The following KMT2D variants were observed in gnomAD, a reference collection of about 807,000 sequenced individuals.
KMT2D encodes the protein histone-lysine N-methyltransferase 2D.
Under a neutral mutation model 512.7 loss-of-function variants are expected in KMT2D, and 55 were observed. The observed-to-expected ratio is 0.11, with a 90% CI of 0.09 to 0.13. KMT2D has a LOEUF of 0.13. Ranked by LOEUF, KMT2D falls within the 10% of genes least tolerant of loss-of-function variation. The probability of loss-of-function intolerance (pLI) is 1.00; values close to 1 mark genes in which losing one functional copy is unlikely to be tolerated. For synonymous variants in KMT2D, 2,995 were observed against 2,904.0 expected (o/e 1.03, Z -1.01); for missense variants, 6,061 against 7,127.9 (o/e 0.85, Z 5.39).
chr12:49,030,598 G>A lies in KMT2D; in HGVS notation c.13839+3C>T, dbSNP rs1218915669. The A allele has an allele frequency of 8.4e-6, 13 of 1,555,652 alleles. No homozygotes were observed. Among genetic ancestry groups the A allele is most frequent in the Admixed American group, 7.9e-5 (4 of 50,946 alleles). ...TCCCAAAAAATATTGCCATTTTTCT[G>A]ACCTTGGTAAGCAGCTGGGAATAGT... On this transcript the variant is annotated splice_donor_region_variant and intron_variant, in intron 42 of 54. Transcript: ENST00000301067.
Position 49,046,822 on chromosome 12 carries a change from T to G in KMT2D, c.4237-32A>C. The G allele has an allele frequency of 6.3e-7, 1 of 1,584,588 alleles. No homozygotes were observed. Among genetic ancestry groups the G allele is most frequent in the Non-Finnish European group, 8.6e-7 (1 of 1,162,086 alleles). On this transcript the variant is annotated intron_variant, in intron 15 of 54. Transcript: ENST00000301067. This position sits in a 1 kb window ranked among gnomAD's most constrained non-coding sequence, Gnocchi z 4.2. The stretch of plus-strand genomic sequence containing the variant: ...CAGAAGATGGGAACTTCTCAGGGTG[T>G]GAGGTGGAAAAGAGGTAGAACTTCT...
chr12:49,039,897 G>C lies in KMT2D; in HGVS notation c.7873C>G (p.Leu2625Val), dbSNP rs1592133979. 6.2e-7 allele frequency: 1 copy of C among 1,614,054 alleles called. No individual in the cohort carries two copies. The change falls in exon 32 of 55, where the codon CTC becomes GTC. Residue 2625 changes from leucine (L) to valine (V), a missense_variant. Leu to Val is a conservative substitution (Grantham distance 32, BLOSUM62 1). This residue lies in a region of KMT2D where 527 missense variants were observed against 578.9 expected (regional missense o/e 0.91). Coordinates refer to ENST00000301067, the MANE Select transcript of KMT2D (RefSeq NM_003482.4). The surrounding 1 kb of genome is among the most constrained non-coding windows in gnomAD (Gnocchi z 5.0). ...GAGGCTCCATGGGACAGGTAGGGGA[G>C]GGATCCGTCGGGTGCAGGTGGTGGC... ...VLPPPAPDGSLPYLSHGASQR... is the reference protein window; with the variant it reads ...VLPPPAPDGSVPYLSHGASQR...
Position 49,028,101 on chromosome 12 carries a change from C to T in KMT2D, c.14423G>A (p.Ser4808Asn). 1.9e-6 allele frequency: 3 copies of T among 1,613,930 alleles called. No homozygotes were observed. The highest frequency in any genetic ancestry group is 2.5e-6 in the Non-Finnish European group (3 of 1,179,862). ...GVMVAVAELL[S>N]MKIPNSYEVL... ...CTCATAGGAGTTGGGGATCTTCATG[C>T]TCAGCAGCTCCGCCACTGCCACCAT... Residue 4808 changes from serine (S) to asparagine (N), a missense_variant, in exon 47 of 55, where the codon AGC (serine) becomes AAC (asparagine). By Grantham distance (46) the Ser-to-Asn change is conservative. Transcript: ENST00000301067.
Position 49,042,205 on chromosome 12 carries a change from T to C in KMT2D, c.5993A>G (p.Tyr1998Cys), listed in dbSNP as rs1292951816. The change falls in exon 29 of 55, where the codon TAT (tyrosine) becomes TGT (cysteine). Residue 1998 changes from tyrosine (Y) to cysteine (C), a missense_variant. Around this residue, in one of 16 missense-constraint regions of KMT2D, gnomAD observed 640 missense variants for 814.3 expected, o/e 0.79. Coordinates refer to ENST00000301067, the MANE Select transcript of KMT2D (RefSeq NM_003482.4). The surrounding 1 kb of genome is among the most constrained non-coding windows in gnomAD (Gnocchi z 4.4). ...TTEGEGDGLSYNQRSLQRWEK... is the reference protein window; with the variant it reads ...TTEGEGDGLSCNQRSLQRWEK... Reference sequence around the variant, plus strand: ...CCAGCGCTGAAGACTCCGCTGGTTATAGGAGAGTCCGTCGCCCTCACCCTC... The same window carrying C: ...CCAGCGCTGAAGACTCCGCTGGTTACAGGAGAGTCCGTCGCCCTCACCCTC... 4 of 1,607,688 alleles carry C rather than the reference T, an allele frequency of 2.5e-6. No homozygotes were observed. The East Asian group carries it at 6.7e-5, about 27-fold the overall frequency.
In KMT2D at chr12:49,029,227, A is replaced by C. The variant is rs1285999889; in HGVS notation, c.14085T>G (p.Ser4695Arg). Residue 4695 changes from serine to arginine, a missense_variant, in exon 45 of 55, where the codon AGT becomes AGG. This residue lies in a region of KMT2D where 1,600 missense variants were observed against 1,754.9 expected (regional missense o/e 0.91). Transcript: ENST00000301067. ...HNQTEDVRME[S>R]DEDSDSPDSI... ...TGTCAGGAGAATCGCTATCCTCATC[A>C]CTCTCCATCCTGGGGACCAAAAGTA... 1 of 1,611,520 alleles carries C rather than the reference A, an allele frequency of 6.2e-7. No homozygotes were observed. Among genetic ancestry groups the C allele is most frequent in the African/African-American group, 1.3e-5 (1 of 74,796 alleles).
intron 49 of KMT2D, among the ~76,000 whole-genome samples, chr12:49,025,815 C>T (rs1251367137): frequency 6.6e-6 from 1 of 152,164 alleles, no homozygotes; most frequent in Non-Finnish European, 1.5e-5. Context: ...AACACTAAAA[C>T]TAAAATCAAA....
rs2120549493 is a variant in KMT2D, at chr12:49,041,611, C to T, written c.6234+44G>A. ...CATGGCCCTCCACCCTCAAGAGAGG[C>T]CACCCACTAGAGGACTGCTACACCC... On this transcript the variant is annotated intron_variant, in intron 31 of 54. Coordinates refer to ENST00000301067, the MANE Select transcript of KMT2D (RefSeq NM_003482.4). This position sits in a 1 kb window ranked among gnomAD's most constrained non-coding sequence, Gnocchi z 5.4. 2.5e-6 allele frequency: 4 copies of T among 1,612,770 alleles called. No homozygotes were observed. The highest frequency in any genetic ancestry group is 3.4e-6 in the Non-Finnish European group (4 of 1,179,170).
chr12:49,052,776 G>C (rs1281257063), intron 9 of KMT2D, 67 bp from the exon 10 acceptor site: 2 of 1,588,256 alleles, frequency 1.3e-6, no homozygotes, highest in Non-Finnish European at 1.7e-6. Context: ...AGAGCACACT[G>C]GGGGGAGGCA....
At position 49,024,547 on chromosome 12, in the gene KMT2D, A is replaced by G; in HGVS notation, c.16052+31T>C. On this transcript the variant is annotated intron_variant, in intron 51 of 54. Transcript: ENST00000301067. The surrounding 1 kb of genome is among the most constrained non-coding windows in gnomAD (Gnocchi z 4.5). ...AGGATCCCTGTCAACACCCACACCCACATCCCTTGGCTCCAGCATCACAAG... is the reference window on the plus strand; with the variant it reads ...AGGATCCCTGTCAACACCCACACCCGCATCCCTTGGCTCCAGCATCACAAG... 1 of 1,585,740 alleles carries G rather than the reference A, an allele frequency of 6.3e-7. No individual in the cohort carries two copies. The highest frequency in any genetic ancestry group is 1.1e-5 in the South Asian group (1 of 87,098).
In KMT2D at chr12:49,050,226, T is replaced by C. The variant is rs766712009; in HGVS notation, c.3362A>G (p.Asp1121Gly). Residue 1121 changes from aspartate (D) to glycine (G), a missense_variant, in exon 12 of 55, where the codon GAC (aspartate) becomes GGC (glycine). Asp to Gly is a moderately conservative substitution (Grantham distance 94). This residue lies in a region of KMT2D where 447 missense variants were observed against 500.1 expected (regional missense o/e 0.89). Coordinates refer to ENST00000301067, the MANE Select transcript of KMT2D (RefSeq NM_003482.4). ...ALDDFSGLGE[D>G]TAPLDGIDAP... is the part of the protein sequence containing the mutation. ...ATCAATCCCATCCAGAGGGGCTGTG[T>C]CTTCCCCTAGGCCAGAGAAGTCATC... The C allele has an allele frequency of 1.2e-6, 2 of 1,613,648 alleles. No individual in the cohort carries two copies. Among genetic ancestry groups the C allele is most frequent in the Non-Finnish European group, 8.5e-7 (1 of 1,179,768 alleles).
rs762711533 is a variant in KMT2D at position 49,031,222 on chromosome 12, G to A, written c.13483C>T (p.Leu4495=). 6.2e-7 allele frequency: 1 copy of A among 1,612,354 alleles called. No individual in the cohort carries two copies. ...TGTAGTTTCTGCTCCAGCCCAGCCAGCTTGCTGTCAATGTGCCCGTTGATC... is the reference window on the plus strand; with the variant it reads ...TGTAGTTTCTGCTCCAGCCCAGCCAACTTGCTGTCAATGTGCCCGTTGATC... ...AEINGHIDSK[L]AGLEQKLQGT... is the part of the protein sequence containing the mutation. The change falls in exon 40 of 55, where the codon CTG becomes TTG. Residue 4495 remains leucine (L), a synonymous_variant. Transcript: ENST00000301067.
rs1565754106 is a variant in KMT2D, at chr12:49,022,923, G to A, written c.16053-48C>T. The stretch of plus-strand genomic sequence containing the variant: ...ACAAGACAGCTCTCCCTCAGACCAA[G>A]TACATACCACCCACCTCCTCTGCCA... On this transcript the variant is annotated intron_variant, in intron 51 of 54. Transcript: ENST00000301067. This position sits in a 1 kb window ranked among gnomAD's most constrained non-coding sequence, Gnocchi z 8.6. The A allele has an allele frequency of 1.3e-6, 2 of 1,508,472 alleles. No individual in the cohort carries two copies. Among genetic ancestry groups the A allele is most frequent in the South Asian group, 2.6e-5 (2 of 75,836 alleles). 93.4% of individuals were successfully genotyped at this position (1,508,472 alleles called of 1,614,324 possible).
rs748820389 is a variant in KMT2D, at chr12:49,031,374, C to G, written c.13331G>C (p.Gly4444Ala). The G allele has an allele frequency of 5.6e-6, 9 of 1,613,490 alleles. No homozygotes were observed. The Admixed American group carries it at 1.3e-4, about 24-fold the overall frequency. Residue 4444 changes from glycine to alanine, a missense_variant, in exon 40 of 55, where the codon GGA (glycine) becomes GCA (alanine). Gly to Ala is a moderately conservative substitution (Grantham distance 60). Around this residue, in one of 16 missense-constraint regions of KMT2D, gnomAD observed 1,600 missense variants for 1,754.9 expected, o/e 0.91. Coordinates refer to ENST00000301067, the MANE Select transcript of KMT2D (RefSeq NM_003482.4). ...TGCCAGCAGGAGGTGGTTGCTGGTT[C>G]CTGGTGCCCCTATTGGCTCCCCATT... The part of the protein sequence containing the change: ...EANGEPIGAP[G>A]TSNHLLLAGP...
rs2120511822 is a variant in KMT2D, at chr12:49,039,482, C to A, written c.8182G>T (p.Ala2728Ser). Reference sequence around the variant, plus strand: ...TGGCCTCGACTCAGCTGCTCAAAGGCAGGGCTGCTGGGCTCAGCACCCCAG... The same window carrying A: ...TGGCCTCGACTCAGCTGCTCAAAGGAAGGGCTGCTGGGCTCAGCACCCCAG... The part of the protein sequence containing the change: ...GSWGAEPSSP[A>S]FEQLSRGQTP... Residue 2728 changes from alanine (A) to serine (S), a missense_variant, in exon 33 of 55, where the codon GCC becomes TCC. Physicochemically the swap from Ala to Ser is moderately conservative, Grantham distance 99 (BLOSUM62 1). Transcript: ENST00000301067. This position sits in a 1 kb window ranked among gnomAD's most constrained non-coding sequence, Gnocchi z 5.0. The A allele has an allele frequency of 2.5e-6, 4 of 1,609,328 alleles. No individual in the cohort carries two copies. The highest frequency in any genetic ancestry group is 3.4e-6 in the Non-Finnish European group (4 of 1,177,586).
At position 49,041,837 on chromosome 12, in the gene KMT2D, G is replaced by C; in HGVS notation, c.6183+80C>G. ...CCAGCTGCTTTAGGAGTGGGGAGCG[G>C]AAAGAACTGAGGTAAATTACCCAAA... On this transcript the variant is annotated intron_variant, in intron 30 of 54. Coordinates refer to ENST00000301067, the MANE Select transcript of KMT2D (RefSeq NM_003482.4). This position sits in a 1 kb window ranked among gnomAD's most constrained non-coding sequence, Gnocchi z 5.4. The C allele has an allele frequency of 6.5e-7, 1 of 1,527,008 alleles. No homozygotes were observed. The highest frequency in any genetic ancestry group is 8.9e-7 in the Non-Finnish European group (1 of 1,122,398). The allele number at this position is 1,527,008 out of a possible 1,614,324, so 94.6% of individuals were successfully genotyped here.
chr12:49,050,862 AAC>A, intron 11 of KMT2D, 22 bp downstream of exon 11: 1 of 1,547,256 alleles, frequency 6.5e-7, no homozygotes, highest in African/African-American at 1.4e-5. Flanking sequence ...GTTCCAGAAT[AAC>A]AGAGTACTAA....
Position 49,037,443 on chromosome 12 carries a change from T to G in KMT2D, c.9913A>C (p.Ser3305Arg). ...MSLPHEGSSP[S>R]LAGSQQQLSL... ...AGCTGCTGTTGGGACCCAGCCAAACTGGGAGAAGAGCCCTCATGTGGCAAA... is the reference window on the plus strand; with the variant it reads ...AGCTGCTGTTGGGACCCAGCCAAACGGGGAGAAGAGCCCTCATGTGGCAAA... Residue 3305 changes from serine (S) to arginine (R), a missense_variant, in exon 35 of 55, where the codon AGT (serine) becomes CGT (arginine). Ser to Arg is a moderately radical substitution (Grantham distance 110). This residue lies in a region of KMT2D where 533 missense variants were observed against 539.6 expected (regional missense o/e 0.99). Transcript: ENST00000301067. The G allele has an allele frequency of 6.3e-7, 1 of 1,583,688 alleles. No homozygotes were observed. Among genetic ancestry groups the G allele is most frequent in the Non-Finnish European group, 8.6e-7 (1 of 1,164,920 alleles).
rs754575668 is a variant in KMT2D, at chr12:49,050,103, G to C, written c.3485C>G (p.Pro1162Arg). 6.2e-7 allele frequency: 1 copy of C among 1,613,564 alleles called. No homozygotes were observed. Among genetic ancestry groups the C allele is most frequent in the Non-Finnish European group, 8.5e-7 (1 of 1,179,764 alleles). The change falls in exon 12 of 55, where the codon CCT (proline) becomes CGT (arginine). Residue 1162 changes from proline (P) to arginine (R), a missense_variant. By Grantham distance (103) the Pro-to-Arg change is moderately radical. Around this residue, in one of 16 missense-constraint regions of KMT2D, gnomAD observed 447 missense variants for 500.1 expected, o/e 0.89. Transcript: ENST00000301067. ...GGGGTAGACCTCCATAGGGGTCACA[G>C]GGGCCAGCTCCTCGGGGTCCAGGAG... ...PVLLDPEELAPVTPMEVYPEC... is the reference protein window; with the variant it reads ...PVLLDPEELARVTPMEVYPEC...
At chr12:49,049,641 G>T (rs749576850) in intron 12 of KMT2D, 41 bp downstream of exon 12, 6 of 1,529,636 alleles carry the variant, frequency 3.9e-6, no homozygotes, top group Non-Finnish European at 5.3e-6. Context: ...TCTGACAGTG[G>T]GCTAACTCTA....
Sources: allele counts gnomAD v4.1 joint callset (sites outside exome capture counted in the v4.1 genomes callset), GRCh38; gene constraint gnomAD v4.1.1; regional missense constraint gnomAD v4.1.1; non-coding constraint Gnocchi (gnomAD v3.1); transcripts MANE v1.5; gene names NCBI Gene and HGNC (gene_info 2026-07-23, HGNC 2026-07-21).